Variants in ABHD2 observed in about 807,000 individuals in gnomAD.
ABHD2 encodes abhydrolase domain containing 2, acylglycerol lipase.
In ABHD2, 20 loss-of-function variants were observed where a neutral mutation model predicts 48.1. The ratio of observed to expected loss-of-function variants is 0.42; its 90% CI spans 0.29 to 0.60. The LOEUF is 0.60. ABHD2 is among the 20% of genes least tolerant of loss of function. The pLI, the probability that ABHD2 is intolerant of heterozygous loss-of-function variation, is 0.24. For synonymous variants in ABHD2, 209 were observed against 214.2 expected (o/e 0.98, Z 0.21); for missense variants, 405 against 550.9 (o/e 0.74, Z 2.65).
the ABHD2 span, among the ~76,000 whole-genome samples, chr15:89,052,502 A>C: frequency 6.6e-6 from 1 of 151,712 alleles, no homozygotes; most frequent in African/African-American, 2.4e-5. Flanking sequence ...CTTTATTAAA[A>C]AGGAGGGTTT....
At chr15:89,045,341 C>T in the ABHD2 span, among the ~76,000 whole-genome samples, 76 of 151,952 alleles carry the variant, frequency 5.0e-4, no homozygotes, top group Middle Eastern at 3.4e-3. Flanking sequence ...GGTAGTGTGA[C>T]GCCTCCAGCT....
Position 89,175,917 on chromosome 15 carries a change from A to G in ABHD2, c.644A>G (p.Lys215Arg). ...GFSLGGNIVCKYLGETQANQE... is the reference protein window; with the variant it reads ...GFSLGGNIVCRYLGETQANQE... ...AGCCTGGGTGGTAACATTGTGTGCA[A>G]ATACTTGGGGGAGACTCAGGCAAAC... Residue 215 changes from lysine to arginine, a missense_variant, in exon 6 of 11, where the codon AAA becomes AGA. Coordinates refer to ENST00000352732, the MANE Select transcript of ABHD2 (RefSeq NM_152924.5). This position sits in a 1 kb window ranked among gnomAD's most constrained non-coding sequence, Gnocchi z 5.7. The G allele has an allele frequency of 6.2e-7, 1 of 1,614,038 alleles. No homozygotes were observed. Among genetic ancestry groups the G allele is most frequent in the Non-Finnish European group, 8.5e-7 (1 of 1,179,978 alleles).
rs1399372828 is a variant in ABHD2, at chr15:89,094,714, G to GCAACAA, written c.-107+6164_-107+6169dup. Among the ~76,000 whole-genome samples, 1 of 149,636 alleles carries GCAACAA rather than the reference G, an allele frequency of 6.7e-6. No individual in the cohort carries two copies. Among genetic ancestry groups the GCAACAA allele is most frequent in the Non-Finnish European group, 1.5e-5 (1 of 67,276 alleles). The stretch of plus-strand genomic sequence containing the variant: ...CAGAGCAAGACTCCGTCTCAAAACA[G>GCAACAA]CAACAACAACAACAACAAAAACAAA... On this transcript the variant is annotated intron_variant, in intron 1 of 10. Transcript: ENST00000352732. The surrounding 1 kb of genome is among the most constrained non-coding windows in gnomAD (Gnocchi z 4.7).
chr15:89,201,786 C>G lies in ABHD2; in HGVS notation c.*6363C>G. The G allele has an allele frequency of 4.1e-6, 6 of 1,458,532 alleles. No individual in the cohort carries two copies. The highest frequency in any genetic ancestry group is 5.8e-6 in the Non-Finnish European group (6 of 1,041,878). The allele number at this position is 1,458,532 out of a possible 1,614,324, so 90.3% of individuals were successfully genotyped here. A position where few individuals can be genotyped will look rare whatever the true frequency, so the allele number is the denominator to read the frequency against. On this transcript the variant is annotated 3_prime_UTR_variant, in exon 11 of 11. Transcript: ENST00000352732. ...GATCTGCTCGTGCTTCGCCGTGGCC[C>G]CGGAGGCAGACGCCATTGGAGAGAC...
rs909998652 is a variant in ABHD2 at position 89,195,726 on chromosome 15, C to G, written c.*303C>G. On this transcript the variant is annotated 3_prime_UTR_variant, in exon 11 of 11. Coordinates refer to ENST00000352732, the MANE Select transcript of ABHD2 (RefSeq NM_152924.5). The surrounding 1 kb of genome is among the most constrained non-coding windows in gnomAD (Gnocchi z 5.1). ...TTTAAGCCAAGTACATCTAGTTTCC[C>G]TATTAAAAATGTGTCTGAATAGCGA... The G allele has an allele frequency of 9.1e-5, 29 of 317,434 alleles. No homozygotes were observed. The highest frequency in any genetic ancestry group is 2.2e-4 in the African/African-American group (10 of 46,484). 19.7% of individuals were successfully genotyped at this position (317,434 alleles called of 1,614,324 possible). A position where few individuals can be genotyped will look rare whatever the true frequency, so the allele number is the denominator to read the frequency against.
At chr15:89,122,393 G>C (rs897735409) in intron 3 of ABHD2, among the ~76,000 whole-genome samples, 1 of 152,188 alleles carries the variant, frequency 6.6e-6, no homozygotes, top group Non-Finnish European at 1.5e-5. Context: ...ATGCCATTCT[G>C]TATCTTGTTT....
Position 89,174,478 on chromosome 15 carries a change from A to G in ABHD2, c.539-1334A>G, listed in dbSNP as rs528216649. Among the ~76,000 whole-genome samples the G allele has an allele frequency of 6.6e-6, 1 of 152,218 alleles. No homozygotes were observed. Among genetic ancestry groups the G allele is most frequent in the South Asian group, 2.1e-4 (1 of 4,836 alleles). Reference sequence around the variant, plus strand: ...ATGCACACTGCAGCTTAAGAACTGCATGGGGCTGTGCCGGCCTGGCTTAGG... The same window carrying G: ...ATGCACACTGCAGCTTAAGAACTGCGTGGGGCTGTGCCGGCCTGGCTTAGG... On this transcript the variant is annotated intron_variant, in intron 5 of 10. Coordinates refer to ENST00000352732, the MANE Select transcript of ABHD2 (RefSeq NM_152924.5). This position sits in a 1 kb window ranked among gnomAD's most constrained non-coding sequence, Gnocchi z 4.1.
chr15:89,108,788 T>C (rs894822444), intron 1 of ABHD2, among the ~76,000 whole-genome samples: 16 of 152,244 alleles, frequency 1.1e-4, no homozygotes, highest in African/African-American at 3.9e-4. Context: ...TGAGGGTTGT[T>C]AGTTCTTAAG....
At chr15:89,163,892 G>C (rs886914478) in intron 5 of ABHD2, among the ~76,000 whole-genome samples, 24 of 152,180 alleles carry the variant, frequency 1.6e-4, no homozygotes, top group Non-Finnish European at 3.1e-4. Context: ...TTAATGAGTG[G>C]GCAGCCCAGG....
the ABHD2 span, among the ~76,000 whole-genome samples, chr15:89,060,424 A>C: frequency 1.3e-5 from 2 of 151,816 alleles, no homozygotes; most frequent in Non-Finnish European, 2.9e-5. Flanking sequence ...ACTCCTCCCA[A>C]AACAAAGAGT....
In ABHD2 at chr15:89,151,726, T is replaced by C; in HGVS notation, c.244T>C (p.Leu82=). The change falls in exon 4 of 11, where the codon TTG becomes CTG. Residue 82 remains leucine, a synonymous_variant. Coordinates refer to ENST00000352732, the MANE Select transcript of ABHD2 (RefSeq NM_152924.5). This position sits in a 1 kb window ranked among gnomAD's most constrained non-coding sequence, Gnocchi z 4.7. ...GAAAAGTGGACACATCCAGACAGCC[T>C]TGTATGGGAAGATGGGAAGGGTGAG... ...WGKSGHIQTA[L]YGKMGRVRSP... 2 of 1,614,190 alleles carry C rather than the reference T, an allele frequency of 1.2e-6. No individual in the cohort carries two copies. Among genetic ancestry groups the C allele is most frequent in the Admixed American group, 3.3e-5 (2 of 60,020 alleles).
the ABHD2 span, among the ~76,000 whole-genome samples, chr15:89,073,543 C>G: frequency 6.6e-6 from 1 of 152,128 alleles, no homozygotes; most frequent in Non-Finnish European, 1.5e-5. Flanking sequence ...GTGATCCACC[C>G]TCCTCGGCCT....
rs559075598 is a variant in ABHD2, at chr15:89,129,698, C to G, written c.194+13177C>G. On this transcript the variant is annotated intron_variant, in intron 3 of 10. Coordinates refer to ENST00000352732, the MANE Select transcript of ABHD2 (RefSeq NM_152924.5). ...CTGGGCTCAGATGCCAGCCCTGCCC[C>G]CTGCTGGCCAGTGGCTTCACCTTGC... Among the ~76,000 whole-genome samples the G allele has an allele frequency of 3.3e-5, 5 of 152,180 alleles. No homozygotes were observed. The South Asian group carries it at 8.3e-4, about 25-fold the overall frequency.
At chr15:89,105,074 G>C (rs1188797649) in intron 1 of ABHD2, among the ~76,000 whole-genome samples, 1 of 152,160 alleles carries the variant, frequency 6.6e-6, no homozygotes, top group Non-Finnish European at 1.5e-5. Flanking sequence ...TTTGTTCTCA[G>C]GTATGGATTC....
Position 89,092,376 on chromosome 15 carries a change from C to T in ABHD2, c.-107+3813C>T, listed in dbSNP as rs1363116133. ...TCATTAAGTTCAACAAATTAAGCAT[C>T]TGGTGTGTGCCAGGAACACAGTTGA... On this transcript the variant is annotated intron_variant, in intron 1 of 10. Coordinates refer to ENST00000352732, the MANE Select transcript of ABHD2 (RefSeq NM_152924.5). The surrounding 1 kb of genome is among the most constrained non-coding windows in gnomAD (Gnocchi z 4.4). Among the ~76,000 whole-genome samples, 4 of 152,204 alleles carry T rather than the reference C, an allele frequency of 2.6e-5. No homozygotes were observed. Among genetic ancestry groups the T allele is most frequent in the African/African-American group, 9.7e-5 (4 of 41,444 alleles).
At chr15:89,057,455 C>A in the ABHD2 span, among the ~76,000 whole-genome samples, 30 of 152,236 alleles carry the variant, frequency 2.0e-4, 1 homozygote, top group South Asian at 6.2e-3. Flanking sequence ...GGGGACTGGC[C>A]GCCTCTGGAA....
chr15:89,158,263 G>T (rs1034446532), intron 5 of ABHD2, among the ~76,000 whole-genome samples: 1 of 152,174 alleles, frequency 6.6e-6, no homozygotes, highest in Admixed American at 6.5e-5. Context: ...TTTGGGCAAG[G>T]GCACAGAGCC....
chr15:89,091,599 C>T lies in ABHD2; in HGVS notation c.-107+3036C>T, dbSNP rs1432721417. Among the ~76,000 whole-genome samples the T allele has an allele frequency of 6.6e-6, 1 of 152,198 alleles. No individual in the cohort carries two copies. Among genetic ancestry groups the T allele is most frequent in the Admixed American group, 6.5e-5 (1 of 15,282 alleles). On this transcript the variant is annotated intron_variant, in intron 1 of 10. Coordinates refer to ENST00000352732, the MANE Select transcript of ABHD2 (RefSeq NM_152924.5). The surrounding 1 kb of genome is among the most constrained non-coding windows in gnomAD (Gnocchi z 5.5). ...GTTCTCACTGCCCTTGTTCAGAGCT[C>T]CTGCCCCGAGCAGGAAATAATTTCT...
chr15:89,054,994 G>T, the ABHD2 span, among the ~76,000 whole-genome samples: 1 of 152,226 alleles, frequency 6.6e-6, no homozygotes, highest in Non-Finnish European at 1.5e-5. Flanking sequence ...GGGAGGCTGA[G>T]GTTGGAGGAT....
Sources: allele counts gnomAD v4.1 joint callset (sites outside exome capture counted in the v4.1 genomes callset), GRCh38; gene constraint gnomAD v4.1.1; non-coding constraint Gnocchi (gnomAD v3.1); transcripts MANE v1.5; gene names NCBI Gene and HGNC (gene_info 2026-07-23, HGNC 2026-07-21).